ACBD6: variants seen among roughly 807,000 people sequenced by gnomAD.
The protein encoded by ACBD6 is acyl-CoA-binding domain-containing protein 6.
A neutral mutation model predicts 37.2 loss-of-function variants in ACBD6; 28 were observed. That is an observed-to-expected ratio of 0.75 (90% CI 0.56 to 1.03). The LOEUF (loss-of-function observed/expected upper bound fraction) is 1.03. Among genes scored for constraint, ACBD6 ranks in the 50% least tolerant of loss-of-function variants. ACBD6 has a pLI of 0.00. For missense variants in ACBD6, 340 were observed against 337.4 expected (o/e 1.01, Z -0.06); for synonymous variants, 113 against 126.8 (o/e 0.89, Z 0.73).
chr1:180,367,610 T>C (rs919868102), intron 6 of ACBD6, among the ~76,000 whole-genome samples: 1 of 152,158 alleles, frequency 6.6e-6, no homozygotes, highest in Non-Finnish European at 1.5e-5. Context: ...TCTCATTATA[T>C]AGCTCCCACT....
intron 6 of ACBD6, among the ~76,000 whole-genome samples, chr1:180,346,825 T>G (rs1285811989): frequency 6.6e-6 from 1 of 152,028 alleles, no homozygotes; most frequent in African/African-American, 2.4e-5. Context: ...TCACTTGAGC[T>G]TGGGCAACAT....
Position 180,502,276 on chromosome 1 carries a change from C to A in ACBD6, c.-10G>T. 1 of 1,612,136 alleles carries A rather than the reference C, an allele frequency of 6.2e-7. No homozygotes were observed. Among genetic ancestry groups the A allele is most frequent in the Non-Finnish European group, 8.5e-7 (1 of 1,179,922 alleles). On this transcript the variant is annotated 5_prime_UTR_variant, in exon 1 of 8. Transcript: ENST00000367595. Reference sequence around the variant, plus strand: ...GGAATGATGAAGCCATGTCTCCTTGCTCGCTCCGTCCCTCTGTGTCCGGTC... The same window carrying A: ...GGAATGATGAAGCCATGTCTCCTTGATCGCTCCGTCCCTCTGTGTCCGGTC...
chr1:180,361,830 CACTT>C (rs1471575888), intron 6 of ACBD6, among the ~76,000 whole-genome samples: 2 of 152,122 alleles, frequency 1.3e-5, no homozygotes, highest in African/African-American at 4.8e-5. Context: ...AGGTGGTTTA[CACTT>C]ACTTTCTCTG....
At chr1:180,441,769 A>G (rs1649288625) in intron 3 of ACBD6, among the ~76,000 whole-genome samples, 1 of 152,186 alleles carries the variant, frequency 6.6e-6, no homozygotes. Context: ...TACTAACTCT[A>G]GCGGTGTCTT....
intron 7 of ACBD6, among the ~76,000 whole-genome samples, chr1:180,292,068 G>A (rs1649729155): frequency 6.6e-6 from 1 of 152,072 alleles, no homozygotes; most frequent in Non-Finnish European, 1.5e-5. Flanking sequence ...TACAACATTG[G>A]CTTGATTTCT....
At chr1:180,445,463 G>A (rs186825337) in intron 3 of ACBD6, among the ~76,000 whole-genome samples, 3 of 152,182 alleles carry the variant, frequency 2.0e-5, no homozygotes, top group Middle Eastern at 3.4e-3. Flanking sequence ...ACTTCAAAAC[G>A]AGTCTATAAA....
chr1:180,390,051 G>C (rs1654010740), intron 6 of ACBD6, among the ~76,000 whole-genome samples: 1 of 151,842 alleles, frequency 6.6e-6, no homozygotes, highest in Admixed American at 6.6e-5. Context: ...CATTGCTTTT[G>C]GTGTTTTAGA....
At chr1:180,313,364 T>C (rs1256997840) in intron 7 of ACBD6, among the ~76,000 whole-genome samples, 2 of 152,192 alleles carry the variant, frequency 1.3e-5, no homozygotes, top group Non-Finnish European at 2.9e-5. Context: ...GTATAATAGC[T>C]AGTCCAATAG....
At chr1:180,410,800 T>C (rs1488137854) in intron 5 of ACBD6, among the ~76,000 whole-genome samples, 2 of 152,208 alleles carry the variant, frequency 1.3e-5, no homozygotes, top group Non-Finnish European at 2.9e-5. Flanking sequence ...TTGCAGTCCA[T>C]GGATCAAGGA....
At chr1:180,463,742 G>A (rs1180432513) in intron 3 of ACBD6, among the ~76,000 whole-genome samples, 1 of 152,156 alleles carries the variant, frequency 6.6e-6, no homozygotes, top group Non-Finnish European at 1.5e-5. Context: ...AAACCTGGCA[G>A]AGACACAACA....
chr1:180,285,970 C>G (rs1571316782), downstream of ACBD6, among the ~76,000 whole-genome samples: 1 of 152,198 alleles, frequency 6.6e-6, no homozygotes. Flanking sequence ...TAGTTAGTTT[C>G]TGATTGGTAA....
At chr1:180,407,179 C>A in intron 5 of ACBD6, among the ~76,000 whole-genome samples, 1 of 152,184 alleles carries the variant, frequency 6.6e-6, no homozygotes, top group East Asian at 1.9e-4. Flanking sequence ...CCTGAATTGT[C>A]ATGGCTGAGA....
intron 3 of ACBD6, among the ~76,000 whole-genome samples, chr1:180,433,576 G>A (rs1428923806): frequency 0.021 from 4 of 194 alleles, no homozygotes; most frequent in African/African-American, 0.049. Flanking sequence ...GTGTTATGCT[G>A]TGTGTGTGTG....
chr1:180,429,154 T>C (rs766921802), intron 4 of ACBD6, among the ~76,000 whole-genome samples: 1 of 152,344 alleles, frequency 6.6e-6, no homozygotes, highest in Admixed American at 6.5e-5. Context: ...AGTTCAGTAG[T>C]GTTAAGTATA....
At chr1:180,408,959 C>T (rs1647739220) in intron 5 of ACBD6, among the ~76,000 whole-genome samples, 1 of 151,998 alleles carries the variant, frequency 6.6e-6, no homozygotes, top group Non-Finnish European at 1.5e-5. Flanking sequence ...GAGTTCGAGA[C>T]CAGCCTGGCC....
chr1:180,472,909 G>T (rs10798769), intron 3 of ACBD6, among the ~76,000 whole-genome samples: 73,810 of 151,820 alleles, frequency 0.49, 20,741 homozygotes, highest in South Asian at 0.66. Flanking sequence ...CCCTAGTTTT[G>T]CAACACAAAT....
At chr1:180,337,628 A>G (rs1355554455) in intron 6 of ACBD6, among the ~76,000 whole-genome samples, 1 of 152,204 alleles carries the variant, frequency 6.6e-6, no homozygotes, top group Non-Finnish European at 1.5e-5. Context: ...ACTCCTATTC[A>G]ACATAGTGTT....
Position 180,397,616 on chromosome 1 carries a change from A to T in ACBD6, c.574-11T>A. 1 of 1,604,516 alleles carries T rather than the reference A, an allele frequency of 6.2e-7. No homozygotes were observed. The highest frequency in any genetic ancestry group is 8.5e-7 in the Non-Finnish European group (1 of 1,171,170). ...AAGTAGAGCCCTACCCTAAAAACAC[A>T]GAAGATAAATGAATTTGTTATCTCA... On this transcript the variant is annotated splice_polypyrimidine_tract_variant and intron_variant, in intron 5 of 7. Coordinates refer to ENST00000367595, the MANE Select transcript of ACBD6 (RefSeq NM_032360.4).
At chr1:180,464,026 A>G (rs1394201477) in intron 3 of ACBD6, among the ~76,000 whole-genome samples, 1 of 152,192 alleles carries the variant, frequency 6.6e-6, no homozygotes, top group East Asian at 1.9e-4. Flanking sequence ...AAAACTCTCA[A>G]TAAACTAGGT....
Sources: allele counts gnomAD v4.1 joint callset (sites outside exome capture counted in the v4.1 genomes callset), GRCh38; gene constraint gnomAD v4.1.1; transcripts MANE v1.5; gene names NCBI Gene and HGNC (gene_info 2026-07-23, HGNC 2026-07-21).